GNB1L: variants seen among roughly 807,000 people sequenced by gnomAD.
GNB1L encodes guanine nucleotide-binding protein subunit beta-like protein 1.
A neutral mutation model predicts 29.1 loss-of-function variants in GNB1L; 20 were observed. That is an observed-to-expected ratio of 0.69 (90% CI 0.48 to 1.00). The LOEUF (loss-of-function observed/expected upper bound fraction) is 1.00. GNB1L is among the 50% of genes least tolerant of loss of function. The pLI, the probability that GNB1L is intolerant of heterozygous loss-of-function variation, is 0.00. For missense variants in GNB1L, 421 were observed against 464.9 expected (o/e 0.91, Z 0.87); for synonymous variants, 193 against 206.5 (o/e 0.93, Z 0.56).
intron 2 of GNB1L, among the ~76,000 whole-genome samples, chr22:19,835,632 C>T (rs1431052402): frequency 6.6e-6 from 1 of 151,962 alleles, no homozygotes; most frequent in African/African-American, 2.4e-5. Flanking sequence ...CAAGATCGCG[C>T]CACTGCACTC....
chr22:19,807,276 C>T (rs752469431), intron 5 of GNB1L, among the ~76,000 whole-genome samples: 2 of 152,210 alleles, frequency 1.3e-5, no homozygotes, highest in Admixed American at 6.5e-5. Flanking sequence ...CAGGCCAGGG[C>T]CCCCCTACAC....
intron 2 of GNB1L, chr22:19,847,154 C>T (rs1422681354): frequency 1.0e-6 from 1 of 985,442 alleles, no homozygotes; most frequent in Non-Finnish European, 1.2e-6. Context: ...CTTTCCCCTG[C>T]CTCAGTGAGC....
chr22:19,831,615 C>T (rs1304364438), intron 2 of GNB1L, among the ~76,000 whole-genome samples: 2 of 151,036 alleles, frequency 1.3e-5, no homozygotes, highest in Admixed American at 6.6e-5. Flanking sequence ...GGCGTGAACC[C>T]GGGAGGCGGA....
intron 7 of GNB1L, among the ~76,000 whole-genome samples, chr22:19,801,143 C>T (rs537665996): frequency 9.2e-5 from 14 of 152,336 alleles, no homozygotes; most frequent in South Asian, 2.1e-4. Flanking sequence ...AGTCACCTCA[C>T]GGGACATGCA....
chr22:19,852,232 G>C, intron 2 of GNB1L: 1 of 1,611,498 alleles, frequency 6.2e-7, no homozygotes. Flanking sequence ...GAATGCGAGG[G>C]CCCTGCTGAC....
At chr22:19,830,395 A>C (rs1452103684) in intron 2 of GNB1L, among the ~76,000 whole-genome samples, 1 of 152,206 alleles carries the variant, frequency 6.6e-6, no homozygotes, top group African/African-American at 2.4e-5. Flanking sequence ...TAAAGAGCAC[A>C]TATTACTTGT....
At chr22:19,843,556 C>A (rs905966446) in intron 2 of GNB1L, among the ~76,000 whole-genome samples, 3 of 152,196 alleles carry the variant, frequency 2.0e-5, no homozygotes, top group African/African-American at 7.2e-5. Flanking sequence ...AAGGTATGCC[C>A]CCCAAGAACT....
rs565310415 is a variant in GNB1L, at chr22:19,832,609, C to T, written c.-20-11234G>A. ...GGCCCCAAGAATGTGAGGGGAAACC[C>T]TGAAGGTTTACTGTCCCCCTCTCTC... On this transcript the variant is annotated intron_variant, in intron 2 of 7. Coordinates refer to ENST00000329517, the MANE Select transcript of GNB1L (RefSeq NM_053004.3). 5.1e-4 allele frequency among the ~76,000 whole-genome samples: 78 copies of T among 152,284 alleles called. 1 individual carries two copies. In the South Asian group the frequency reaches 6.4e-3, roughly 13 times the overall value.
rs150075194 is a variant in GNB1L, at chr22:19,788,804, C to T, written c.889G>A (p.Ala297Thr). Residue 297 changes from alanine (A) to threonine (T), a missense_variant, in exon 8 of 8, where the codon GCT becomes ACT. Coordinates refer to ENST00000329517, the MANE Select transcript of GNB1L (RefSeq NM_053004.3). Reference protein sequence around the residue: ...PLAVLAFHSAAVQCVAFTADG... With the variant: ...PLAVLAFHSATVQCVAFTADG... ...GCGGTGAAGGCCACGCACTGGACAG[C>T]GGCGCTGTGGAAGGCCAGCACGGCC... 5.1e-5 allele frequency: 82 copies of T among 1,612,578 alleles called. No individual in the cohort carries two copies. The highest frequency in any genetic ancestry group is 4.7e-4 in the African/African-American group (35 of 75,062).
chr22:19,812,305 G>A lies in GNB1L; in HGVS notation c.397C>T (p.Pro133Ser), dbSNP rs1378485418. ...GGQPRWTLAVPGRGSDEVQIL... is the reference protein window; with the variant it reads ...GGQPRWTLAVSGRGSDEVQIL... ...CTCACCTCGTCGCTGCCCCTCCCTG[G>A]CACGGCAAGCGTCCAGCGTGGCTGG... The change falls in exon 5 of 8, where the codon CCA becomes TCA. Residue 133 changes from proline (P) to serine (S), a missense_variant. Pro to Ser is a moderately conservative substitution (Grantham distance 74). Coordinates refer to ENST00000329517, the MANE Select transcript of GNB1L (RefSeq NM_053004.3). 1.9e-6 allele frequency: 3 copies of A among 1,612,768 alleles called. No individual in the cohort carries two copies. Among genetic ancestry groups the A allele is most frequent in the Non-Finnish European group, 2.5e-6 (3 of 1,179,796 alleles).
rs1360902359 is a variant in GNB1L, at chr22:19,841,928, A to G, written c.-21+12515T>C. Among the ~76,000 whole-genome samples the G allele has an allele frequency of 3.3e-5, 5 of 152,214 alleles. No individual in the cohort carries two copies. In the South Asian group the frequency reaches 6.2e-4, roughly 19 times the overall value. On this transcript the variant is annotated intron_variant, in intron 2 of 7. Coordinates refer to ENST00000329517, the MANE Select transcript of GNB1L (RefSeq NM_053004.3). ...GAAGTAGCACAGCCGTTCTAGCATG[A>G]AGATGTTGAATTGGCTGGTCCTCCA...
intron 7 of GNB1L, among the ~76,000 whole-genome samples, chr22:19,793,384 T>C (rs976756035): frequency 2.6e-5 from 4 of 152,112 alleles, no homozygotes; most frequent in Admixed American, 6.6e-5. Context: ...TCAACAGACA[T>C]TGCCCAATCT....
intron 7 of GNB1L, among the ~76,000 whole-genome samples, chr22:19,789,284 G>A (rs1455069775): frequency 6.6e-6 from 1 of 152,192 alleles, no homozygotes; most frequent in Non-Finnish European, 1.5e-5. Flanking sequence ...CCTCACCCCA[G>A]GGAAGCCACT....
At chr22:19,823,163 T>C (rs1444071832) in intron 2 of GNB1L, among the ~76,000 whole-genome samples, 1 of 152,238 alleles carries the variant, frequency 6.6e-6, no homozygotes, top group Non-Finnish European at 1.5e-5. Flanking sequence ...TTCCCTGGGA[T>C]ATCCTTTACT....
intron 2 of GNB1L, among the ~76,000 whole-genome samples, chr22:19,830,521 T>C (rs1937664549): frequency 1.3e-5 from 2 of 152,272 alleles, no homozygotes; most frequent in South Asian, 4.1e-4. Context: ...GTTAAAATTC[T>C]CTTGGAAGAC....
At chr22:19,851,842 G>T (rs200814178) in intron 2 of GNB1L, 3 of 1,613,866 alleles carry the variant, frequency 1.9e-6, no homozygotes, top group South Asian at 2.2e-5. Context: ...TGAGGATCTC[G>T]CAGACACGGC....
intron 2 of GNB1L, among the ~76,000 whole-genome samples, chr22:19,838,654 T>A (rs1937806676): frequency 6.6e-6 from 1 of 151,874 alleles, no homozygotes. Context: ...AGAGACAGGG[T>A]TTCACCATGT....
At chr22:19,789,609 G>A (rs958220963) in intron 7 of GNB1L, among the ~76,000 whole-genome samples, 13 of 152,102 alleles carry the variant, frequency 8.5e-5, no homozygotes, top group Admixed American at 8.5e-4. Flanking sequence ...AGAGGGGGTA[G>A]GGCACTGCAC....
intron 7 of GNB1L, 72 bp downstream of exon 7, chr22:19,801,928 TA>T: frequency 7.9e-7 from 1 of 1,266,070 alleles, no homozygotes; most frequent in Non-Finnish European, 1.1e-6. Context: ...TCTTCATGCC[TA>T]AATATTGTTT....
Sources: gnomAD v4.1 joint callset for allele counts (sites outside exome capture counted in the v4.1 genomes callset) on GRCh38, gnomAD v4.1.1 for gene constraint, MANE v1.5 for transcripts, NCBI Gene and HGNC (gene_info 2026-07-23, HGNC 2026-07-21) for gene names.